The following DDX24 variants were observed in gnomAD, a reference collection of about 807,000 sequenced individuals.
DDX24 encodes the protein DEAD-box helicase 24, also known as ATP-dependent RNA helicase DDX24.
In DDX24, 24 loss-of-function variants were observed where a neutral mutation model predicts 68.9. The observed-to-expected ratio is 0.35, with a 90% CI of 0.25 to 0.49. The LOEUF is 0.49. Ranked by LOEUF, DDX24 falls within the 20% of genes least tolerant of loss-of-function variation. The pLI is 0.99. For synonymous variants in DDX24, 395 were observed against 385.2 expected (o/e 1.03, Z -0.30); for missense variants, 989 against 1,039.0 (o/e 0.95, Z 0.66).
intron 2 of DDX24, among the ~76,000 whole-genome samples, chr14:94,071,027 A>G (rs1031262540): frequency 2.6e-5 from 4 of 152,228 alleles, no homozygotes; most frequent in African/African-American, 9.6e-5. Flanking sequence ...TAATTAAACT[A>G]AAGAGCTTCT....
chr14:94,062,369 G>C lies in DDX24; in HGVS notation c.971C>G (p.Thr324Ser). 6.2e-7 allele frequency: 1 copy of C among 1,614,240 alleles called. No homozygotes were observed. The highest frequency in any genetic ancestry group is 8.5e-7 in the Non-Finnish European group (1 of 1,180,044). Residue 324 changes from threonine to serine, a missense_variant, in exon 3 of 9, where the codon ACT (threonine) becomes AGT (serine). Around this residue, in one of 3 missense-constraint regions of DDX24, gnomAD observed 691 missense variants for 760.0 expected, o/e 0.91. Coordinates refer to ENST00000621632, the MANE Select transcript of DDX24 (RefSeq NM_020414.4). ...AAEARAKTGG[T>S]VSDQALLFGD... ...AAAGAGCAACGCCTGGTCTGAGACAGTGCCTCCAGTCTTGGCTCTGGCCTC... is the reference window on the plus strand; with the variant it reads ...AAAGAGCAACGCCTGGTCTGAGACACTGCCTCCAGTCTTGGCTCTGGCCTC...
intron 5 of DDX24, among the ~76,000 whole-genome samples, chr14:94,059,390 G>A (rs766900870): frequency 6.6e-6 from 1 of 152,212 alleles, no homozygotes; most frequent in Non-Finnish European, 1.5e-5. Context: ...AGGCTTGTCT[G>A]AGGCCCAGCT....
rs1389398208 is a variant in DDX24, at chr14:94,079,189, T to C, written c.554A>G (p.His185Arg). 4.3e-6 allele frequency: 7 copies of C among 1,614,234 alleles called. No homozygotes were observed. The highest frequency in any genetic ancestry group is 1.6e-4 in the Middle Eastern group (1 of 6,062). The stretch of plus-strand genomic sequence containing the variant: ...AGCTGACACATCTGCTTTCTGATCA[T>C]GAACTTCAGGAATCCATGTCTTCGC... ...KKAKTWIPEV[H>R]DQKADVSAWK... Residue 185 changes from histidine (H) to arginine (R), a missense_variant, in exon 2 of 9, where the codon CAT becomes CGT. His to Arg is a conservative substitution (Grantham distance 29). Transcript: ENST00000621632.
rs1423775804 is a variant in DDX24, at chr14:94,079,125, T to C, written c.618A>G (p.Ala206=). ...GTGCAGAGAAGCCTAGAAAGCTGAG[T>C]GCTCGGAGAACCGGCCTGGGAACAA... The part of the protein sequence containing the change: ...DLFVPRPVLR[A]LSFLGFSAPT... Residue 206 remains alanine, a synonymous_variant, in exon 2 of 9, where the codon GCA becomes GCG. Coordinates refer to ENST00000621632, the MANE Select transcript of DDX24 (RefSeq NM_020414.4). 4 of 1,614,176 alleles carry C rather than the reference T, an allele frequency of 2.5e-6. No homozygotes were observed. Among genetic ancestry groups the C allele is most frequent in the Non-Finnish European group, 2.5e-6 (3 of 1,180,026 alleles).
intron 7 of DDX24, among the ~76,000 whole-genome samples, chr14:94,054,232 A>G (rs1399782059): frequency 6.6e-6 from 1 of 152,158 alleles, no homozygotes; most frequent in African/African-American, 2.4e-5. Context: ...AATCCTCCTT[A>G]CTAATGGGAA....
intron 2 of DDX24, among the ~76,000 whole-genome samples, chr14:94,062,864 A>G (rs1885626914): frequency 6.6e-6 from 1 of 152,208 alleles, no homozygotes; most frequent in Non-Finnish European, 1.5e-5. Context: ...CGAATTACAA[A>G]TGTCCAAGAA....
Position 94,060,097 on chromosome 14 carries a change from C to CTCT in DDX24, c.1911_1913dup (p.Glu637dup). Reference sequence around the variant, plus strand: ...AGCCTCTGGGGACAGTCCTAACTTACTCTTCCAGACGGGCAAACTGCTCCA... The same window carrying CTCT: ...AGCCTCTGGGGACAGTCCTAACTTACTCTTCTTCCAGACGGGCAAACTGCTCCA... On this transcript the variant is annotated inframe_insertion and splice_region_variant. Transcript: ENST00000621632. 6.2e-7 allele frequency: 1 copy of CTCT among 1,609,966 alleles called. No individual in the cohort carries two copies. The highest frequency in any genetic ancestry group is 8.5e-7 in the Non-Finnish European group (1 of 1,177,196).
At chr14:94,072,646 G>A (rs1302569889) in intron 2 of DDX24, among the ~76,000 whole-genome samples, 3 of 152,066 alleles carry the variant, frequency 2.0e-5, no homozygotes, top group African/African-American at 7.2e-5. Flanking sequence ...CCTGGCCAAC[G>A]TGGTGAAACC....
At chr14:94,064,785 C>T (rs1430528501) in intron 2 of DDX24, among the ~76,000 whole-genome samples, 5 of 152,220 alleles carry the variant, frequency 3.3e-5, no homozygotes, top group Admixed American at 2.0e-4. Context: ...TAGCAAAGTG[C>T]TGAACCTGAG....
chr14:94,061,932 G>A (rs1885604726), intron 3 of DDX24, among the ~76,000 whole-genome samples, 165 bp downstream of exon 3: 1 of 152,080 alleles, frequency 6.6e-6, no homozygotes, highest in Non-Finnish European at 1.5e-5. Context: ...ATCCTTGAGG[G>A]AACTGAAAAA....
At chr14:94,068,628 A>G (rs1000202291) in intron 2 of DDX24, among the ~76,000 whole-genome samples, 2 of 152,232 alleles carry the variant, frequency 1.3e-5, no homozygotes, top group Non-Finnish European at 2.9e-5. Flanking sequence ...ATGAGCCTCA[A>G]TAAATTTAAG....
chr14:94,054,935 G>A, intron 7 of DDX24, 61 bp downstream of exon 7: 2 of 1,556,860 alleles, frequency 1.3e-6, no homozygotes, highest in Non-Finnish European at 1.8e-6. Context: ...CCACAGCAAG[G>A]TGCTCTGCAA....
intron 2 of DDX24, among the ~76,000 whole-genome samples, chr14:94,069,247 G>C (rs1276159626): frequency 6.6e-6 from 1 of 151,874 alleles, no homozygotes; most frequent in East Asian, 1.9e-4. Flanking sequence ...CCTTTACACA[G>C]ATAAACTAGG....
intron 2 of DDX24, among the ~76,000 whole-genome samples, chr14:94,071,781 A>G (rs549981868): frequency 6.6e-6 from 1 of 152,262 alleles, no homozygotes; most frequent in South Asian, 2.1e-4. Context: ...CCACGTCTCT[A>G]CTAAAAATAC....
chr14:94,080,971 C>G (rs975115391), intron 1 of DDX24, 148 bp downstream of exon 1: 2 of 152,192 alleles, frequency 1.3e-5, no homozygotes, highest in Admixed American at 1.3e-4. Context: ...GACCGTGGCA[C>G]GCAGCTCGGT....
In DDX24 at chr14:94,079,572, C is replaced by T. The variant is rs1156402150; in HGVS notation, c.171G>A (p.Gln57=). ...LVCFEELTDY[Q]LVSPAKNPSS... ...AGGGATTCTTGGCAGGGGAGACCAACTGGTAATCTGTCAATTCCTCAAAGC... is the reference window on the plus strand; with the variant it reads ...AGGGATTCTTGGCAGGGGAGACCAATTGGTAATCTGTCAATTCCTCAAAGC... The change falls in exon 2 of 9, where the codon CAG becomes CAA. Residue 57 remains glutamine, a synonymous_variant. Coordinates refer to ENST00000621632, the MANE Select transcript of DDX24 (RefSeq NM_020414.4). 10 of 1,614,190 alleles carry T rather than the reference C, an allele frequency of 6.2e-6. No individual in the cohort carries two copies. The highest frequency in any genetic ancestry group is 1.1e-5 in the South Asian group (1 of 91,080).
chr14:94,076,222 T>C (rs1885935910), intron 2 of DDX24, among the ~76,000 whole-genome samples: 1 of 152,182 alleles, frequency 6.6e-6, no homozygotes, highest in Non-Finnish European at 1.5e-5. Flanking sequence ...CATCAATAGA[T>C]GAACAAACTG....
At chr14:94,079,848 G>A (rs11624943) in intron 1 of DDX24, 101 bp from the exon 2 acceptor site, 81,076 of 1,079,644 alleles carry the variant, frequency 0.075, 3,444 homozygotes, top group Middle Eastern at 0.17. Context: ...AAAGAACTGA[G>A]GATACAAAGA....
At chr14:94,064,894 C>G (rs1181383464) in intron 2 of DDX24, among the ~76,000 whole-genome samples, 1 of 152,114 alleles carries the variant, frequency 6.6e-6, no homozygotes, top group African/African-American at 2.4e-5. Context: ...TGGGACTGAG[C>G]CCTTAACCTG....
Sources: allele counts gnomAD v4.1 joint callset (sites outside exome capture counted in the v4.1 genomes callset), GRCh38; gene constraint gnomAD v4.1.1; regional missense constraint gnomAD v4.1.1; transcripts MANE v1.5; gene names NCBI Gene and HGNC (gene_info 2026-07-23, HGNC 2026-07-21).